TRIM67: variants seen among roughly 807,000 people sequenced by gnomAD.
TRIM67 encodes tripartite motif-containing protein 67.
Under a neutral mutation model 71.0 loss-of-function variants are expected in TRIM67, and 39 were observed. The ratio of observed to expected loss-of-function variants is 0.55; its 90% confidence interval spans 0.43 to 0.72. The LOEUF (loss-of-function observed/expected upper bound fraction) is 0.72. Among genes scored for constraint, TRIM67 ranks in the 30% least tolerant of loss-of-function variants. The pLI, the probability that TRIM67 is intolerant of heterozygous loss-of-function variation, is 0.00. For missense variants in TRIM67, 973 were observed against 1,079.2 expected, an observed-to-expected ratio of 0.90 and a Z score of 1.38; for synonymous variants, 481 against 473.9, an observed-to-expected ratio of 1.01 and a Z score of -0.19.
intron 6 of TRIM67, 151 bp from the exon 7 acceptor site, chr1:231,206,501 C>G (rs1683701952): frequency 2.9e-6 from 2 of 688,608 alleles, no homozygotes; most frequent in East Asian, 6.5e-5. Flanking sequence ...CCAGGCTGGA[C>G]TCAAGCGATG....
intron 1 of TRIM67, among the ~76,000 whole-genome samples, chr1:231,182,324 G>T (rs1017465065): frequency 6.6e-6 from 1 of 152,144 alleles, no homozygotes; most frequent in Non-Finnish European, 1.5e-5. Flanking sequence ...CTGTCCAGGA[G>T]GATAAGGTGG....
rs1683709620 is a variant in TRIM67 at position 231,206,694 on chromosome 1, C to T, written c.1723C>T (p.Leu575Phe). 1.2e-6 allele frequency: 2 copies of T among 1,611,500 alleles called. No individual in the cohort carries two copies. Among genetic ancestry groups the T allele is most frequent in the Non-Finnish European group, 1.7e-6 (2 of 1,178,914 alleles). The change falls in exon 7 of 10, where the codon CTT becomes TTT. Residue 575 changes from leucine to phenylalanine, a missense_variant. Leu to Phe is a conservative substitution (Grantham distance 22, BLOSUM62 0). Coordinates refer to ENST00000366653, the MANE Select transcript of TRIM67 (RefSeq NM_001004342.5). The part of the protein sequence containing the change: ...GKETLCTIDG[L>F]HFNSTYNARV... ...GGAGACTTTGTGTACCATCGACGGT[C>T]TTCACTTCAACAGCACCTACAACGC...
At chr1:231,202,712 C>T (rs1683586054) in intron 5 of TRIM67, among the ~76,000 whole-genome samples, 1 of 152,162 alleles carries the variant, frequency 6.6e-6, no homozygotes, top group Admixed American at 6.5e-5. Flanking sequence ...TCTCACATTG[C>T]CATGCTCACT....
intron 1 of TRIM67, among the ~76,000 whole-genome samples, chr1:231,196,814 G>A (rs1292873944): frequency 6.6e-6 from 1 of 152,138 alleles, no homozygotes; most frequent in African/African-American, 2.4e-5. Context: ...ACCAGGCTAG[G>A]AGCCTGTATG....
intron 1 of TRIM67, chr1:231,186,251 G>A: frequency 7.9e-7 from 1 of 1,269,578 alleles, no homozygotes; most frequent in South Asian, 1.3e-5. Context: ...GGCAAAAGCA[G>A]GATTTCTTCC....
chr1:231,204,213 G>T (rs186070221), intron 6 of TRIM67, among the ~76,000 whole-genome samples: 1 of 152,214 alleles, frequency 6.6e-6, no homozygotes, highest in Non-Finnish European at 1.5e-5. Context: ...TGACACAGGC[G>T]TGGGGCTGGA....
intron 8 of TRIM67, among the ~76,000 whole-genome samples, chr1:231,210,220 C>T (rs1396313730): frequency 6.6e-6 from 1 of 152,180 alleles, no homozygotes; most frequent in Non-Finnish European, 1.5e-5. Context: ...GGGTGAGGAA[C>T]TTCAAGAGCT....
intron 7 of TRIM67, among the ~76,000 whole-genome samples, chr1:231,208,261 T>A (rs1683767974): frequency 6.6e-6 from 1 of 151,564 alleles, no homozygotes; most frequent in South Asian, 2.1e-4. Flanking sequence ...GCAAGCTCTG[T>A]CTCCCAGGTT....
intron 1 of TRIM67, among the ~76,000 whole-genome samples, chr1:231,164,812 T>A (rs905818266): frequency 3.9e-5 from 6 of 152,142 alleles, no homozygotes; most frequent in African/African-American, 1.4e-4. Flanking sequence ...TGAGCACAGA[T>A]GAGAGGAAGA....
chr1:231,192,672 C>A (rs370899855), intron 1 of TRIM67, among the ~76,000 whole-genome samples: 1 of 152,242 alleles, frequency 6.6e-6, no homozygotes, highest in Non-Finnish European at 1.5e-5. Context: ...CCCTCGACAG[C>A]GGCTAGCCCT....
chr1:231,206,518 C>T, intron 6 of TRIM67, 134 bp from the exon 7 acceptor site: 1 of 830,040 alleles, frequency 1.2e-6, no homozygotes, highest in Non-Finnish European at 1.7e-6. Flanking sequence ...GATGCTCCCA[C>T]CTCAGCTTCC....
At chr1:231,201,102 G>A (rs1053071750) in intron 4 of TRIM67, among the ~76,000 whole-genome samples, 5 of 151,948 alleles carry the variant, frequency 3.3e-5, no homozygotes, top group East Asian at 3.8e-4. Flanking sequence ...TAGTGTTTGC[G>A]GCAATCTCTT....
rs1033657391 is a variant in TRIM67 at position 231,217,154 on chromosome 1, T to C, written c.*1714T>C. On this transcript the variant is annotated 3_prime_UTR_variant, in exon 10 of 10. Coordinates refer to ENST00000366653, the MANE Select transcript of TRIM67 (RefSeq NM_001004342.5). ...CCCGACAATCCTACCTCAAAGCTCA[T>C]GCTCTTGGTCTGCAAGGCTGCTTGG... 7.1e-6 allele frequency: 7 copies of C among 985,838 alleles called. No individual in the cohort carries two copies. In the African/African-American group the frequency reaches 1.2e-4, roughly 17 times the overall value. The allele number at this position is 985,838 out of a possible 1,614,324, so 61.1% of individuals were successfully genotyped here.
intron 5 of TRIM67, 85 bp downstream of exon 5, chr1:231,201,602 G>A: frequency 6.8e-7 from 1 of 1,468,896 alleles, no homozygotes; most frequent in South Asian, 1.3e-5. Flanking sequence ...GCCATAGGGA[G>A]ACCTGTGATG....
intron 1 of TRIM67, chr1:231,186,008 G>T: frequency 3.0e-6 from 4 of 1,325,692 alleles, no homozygotes; most frequent in Non-Finnish European, 4.2e-6. Context: ...TCTTCTGGAA[G>T]ATAGGTGCTT....
In TRIM67 at chr1:231,182,978, C is replaced by T. The variant is rs189383123; in HGVS notation, c.1045-14393C>T. Among the ~76,000 whole-genome samples, 622 of 152,304 alleles carry T rather than the reference C, an allele frequency of 4.1e-3. 6 individuals are homozygous for T. Among genetic ancestry groups the T allele is most frequent in the African/African-American group, 0.014 (589 of 41,540 alleles). On this transcript the variant is annotated intron_variant, in intron 1 of 9. Coordinates refer to ENST00000366653, the MANE Select transcript of TRIM67 (RefSeq NM_001004342.5). ...AAGAAAATTTGGTTGGTGGCTCTGA[C>T]ATATCAATCCTGGCAACTTAAAATT...
intron 1 of TRIM67, among the ~76,000 whole-genome samples, chr1:231,196,673 T>C (rs1448325249): frequency 6.6e-6 from 1 of 152,280 alleles, no homozygotes; most frequent in South Asian, 2.1e-4. Context: ...AAAAGCCTGG[T>C]GCCAAAAGCC....
In TRIM67 at chr1:231,163,476, C is replaced by T. The variant is rs758525583; in HGVS notation, c.507C>T (p.Asp169=). ...CPQCHRSASL[D]HRGLRGFQRN... ...AGTGCCACCGCAGCGCATCCCTGGACCACCGCGGCCTGCGCGGCTTCCAGC... is the reference window on the plus strand; with the variant it reads ...AGTGCCACCGCAGCGCATCCCTGGATCACCGCGGCCTGCGCGGCTTCCAGC... Residue 169 remains aspartate, a synonymous_variant, in exon 1 of 10, where the codon GAC becomes GAT. Coordinates refer to ENST00000366653, the MANE Select transcript of TRIM67 (RefSeq NM_001004342.5). The T allele has an allele frequency of 1.3e-6, 2 of 1,530,326 alleles. No homozygotes were observed. The highest frequency in any genetic ancestry group is 2.4e-5 in the South Asian group (2 of 82,378). The allele number at this position is 1,530,326 out of a possible 1,614,324, so 94.8% of individuals were successfully genotyped here.
In TRIM67 at chr1:231,201,356, A is replaced by C; in HGVS notation, c.1375-2A>C. On this transcript the variant is annotated splice_acceptor_variant, in intron 4 of 9. Coordinates refer to ENST00000366653, the MANE Select transcript of TRIM67 (RefSeq NM_001004342.5). LOFTEE classifies it high-confidence loss of function. ...ACCTTAAACTCTTTGCTCCCCTTTA[A>C]GATCTCAGATGCTCTGATCAAGCGC... 6.2e-7 allele frequency: 1 copy of C among 1,611,912 alleles called. No individual in the cohort carries two copies. Among genetic ancestry groups the C allele is most frequent in the South Asian group, 1.1e-5 (1 of 90,524 alleles).
Sources: gnomAD v4.1 joint callset for allele counts (sites outside exome capture counted in the v4.1 genomes callset) on GRCh38, gnomAD v4.1.1 for gene constraint, MANE v1.5 for transcripts, NCBI Gene and HGNC (gene_info 2026-07-23, HGNC 2026-07-21) for gene names.